Variants in HS6ST3 observed in about 807,000 individuals in gnomAD.
The protein encoded by HS6ST3 is heparan-sulfate 6-O-sulfotransferase 3.
HS6ST3 carries 12 observed loss-of-function variants against 36.7 expected under a neutral mutation model. That is an observed-to-expected ratio of 0.33 (90% CI 0.21 to 0.53). The LOEUF (loss-of-function observed/expected upper bound fraction) is 0.53. Among genes scored for constraint, HS6ST3 ranks in the 20% least tolerant of loss-of-function variants. The pLI is 0.95. For missense variants in HS6ST3, 584 were observed against 640.9 expected (o/e 0.91, Z 0.96); for synonymous variants, 240 against 257.5 (o/e 0.93, Z 0.65).
intron 1 of HS6ST3, chr13:96,427,100 A>T (rs2055590992): frequency 6.5e-6 from 1 of 154,350 alleles, no homozygotes; most frequent in African/African-American, 2.4e-5. Flanking sequence ...TGAAATCCAT[A>T]GTTAGAACGG....
At chr13:96,660,051 G>GT (rs1285919468) in intron 1 of HS6ST3, among the ~76,000 whole-genome samples, 15 of 152,022 alleles carry the variant, frequency 9.9e-5, no homozygotes, top group Admixed American at 2.6e-4. Flanking sequence ...GATTAAATTT[G>GT]TTTTTTTATT....
At chr13:96,743,475 T>G (rs1025839399) in intron 1 of HS6ST3, among the ~76,000 whole-genome samples, 1 of 152,080 alleles carries the variant, frequency 6.6e-6, no homozygotes, top group African/African-American at 2.4e-5. Flanking sequence ...AACATGGTCA[T>G]TAAGCTTCCT....
chr13:96,237,334 A>G (rs541850878), intron 1 of HS6ST3, among the ~76,000 whole-genome samples: 1 of 152,256 alleles, frequency 6.6e-6, no homozygotes, highest in African/African-American at 2.4e-5. Context: ...TTTTATTACA[A>G]TAGGGAAAAT....
chr13:96,332,901 A>G (rs956643854), intron 1 of HS6ST3, among the ~76,000 whole-genome samples: 1 of 152,196 alleles, frequency 6.6e-6, no homozygotes, highest in Admixed American at 6.5e-5. Flanking sequence ...GGAGGTGATT[A>G]AGTCATTAGG....
chr13:96,568,322 A>C (rs2056289045), intron 1 of HS6ST3, among the ~76,000 whole-genome samples: 1 of 152,188 alleles, frequency 6.6e-6, no homozygotes, highest in African/African-American at 2.4e-5. Context: ...GCTGGAGTTC[A>C]ATGGCACGAT....
chr13:96,389,679 A>T (rs2055386285), intron 1 of HS6ST3, among the ~76,000 whole-genome samples: 1 of 152,188 alleles, frequency 6.6e-6, no homozygotes, highest in Non-Finnish European at 1.5e-5. Context: ...AGCTCTTAGA[A>T]CATGAACACA....
At chr13:96,375,232 A>T (rs1344696326) in intron 1 of HS6ST3, among the ~76,000 whole-genome samples, 1 of 152,156 alleles carries the variant, frequency 6.6e-6, no homozygotes, top group African/African-American at 2.4e-5. Context: ...TACTTCGTAA[A>T]GACCTGTCCC....
chr13:96,647,671 A>C (rs1314627937), intron 1 of HS6ST3, among the ~76,000 whole-genome samples: 1 of 152,098 alleles, frequency 6.6e-6, no homozygotes, highest in Non-Finnish European at 1.5e-5. Context: ...GTTTGTAAAA[A>C]TTATTCTTAC....
intron 1 of HS6ST3, among the ~76,000 whole-genome samples, chr13:96,486,201 T>A (rs942487041): frequency 2.0e-5 from 3 of 152,186 alleles, no homozygotes; most frequent in Admixed American, 6.5e-5. Context: ...AACTCATCAT[T>A]TTTTATGGCT....
intron 1 of HS6ST3, among the ~76,000 whole-genome samples, chr13:96,656,955 TTGTGTGTGTGTGTGTGTG>T (rs754838881): frequency 6.5e-5 from 8 of 122,246 alleles, no homozygotes; most frequent in Non-Finnish European, 9.9e-5. Context: ...GGCTTTTCTT[TTGTGTGTGTGTGTGTGTG>T]TGTGTGTGTG....
intron 1 of HS6ST3, among the ~76,000 whole-genome samples, chr13:96,197,304 A>T (rs1168598402): frequency 6.6e-6 from 1 of 152,184 alleles, no homozygotes; most frequent in Non-Finnish European, 1.5e-5. Context: ...AACCCATCAG[A>T]TCTTGTGGGA....
intron 1 of HS6ST3, among the ~76,000 whole-genome samples, chr13:96,406,070 C>G (rs978504550): frequency 6.6e-6 from 1 of 152,088 alleles, no homozygotes; most frequent in Non-Finnish European, 1.5e-5. Flanking sequence ...TCTTTTTATG[C>G]TAGGTACCAC....
At chr13:96,627,105 T>C (rs1040227790) in intron 1 of HS6ST3, among the ~76,000 whole-genome samples, 4 of 152,106 alleles carry the variant, frequency 2.6e-5, no homozygotes, top group Non-Finnish European at 5.9e-5. Context: ...GTCATCCTTG[T>C]TCTGTTCTGA....
intron 1 of HS6ST3, among the ~76,000 whole-genome samples, chr13:96,212,055 C>G (rs2139357861): frequency 6.6e-6 from 1 of 152,294 alleles, no homozygotes; most frequent in Admixed American, 6.5e-5. Flanking sequence ...ACACTTACAT[C>G]AAAAGGAGCT....
chr13:96,372,235 C>A (rs79044755), intron 1 of HS6ST3, among the ~76,000 whole-genome samples: 1 of 152,132 alleles, frequency 6.6e-6, no homozygotes, highest in Non-Finnish European at 1.5e-5. Flanking sequence ...CTGATGACTA[C>A]TGATGTTGAC....
At chr13:96,210,971 G>A (rs902952486) in intron 1 of HS6ST3, among the ~76,000 whole-genome samples, 1 of 150,540 alleles carries the variant, frequency 6.6e-6, no homozygotes, top group Non-Finnish European at 1.5e-5. Flanking sequence ...TCACTCTGTT[G>A]CCCAGGCTGG....
chr13:96,681,608 A>G (rs1342098479), intron 1 of HS6ST3, among the ~76,000 whole-genome samples: 1 of 152,148 alleles, frequency 6.6e-6, no homozygotes, highest in Non-Finnish European at 1.5e-5. Flanking sequence ...TTTCTTAGCA[A>G]CAGATTATTT....
At chr13:96,778,515 T>C (rs1285171406) in intron 1 of HS6ST3, among the ~76,000 whole-genome samples, 1 of 152,088 alleles carries the variant, frequency 6.6e-6, no homozygotes, top group Non-Finnish European at 1.5e-5. Flanking sequence ...ATGAAGGATA[T>C]GAATAGACAC....
intron 1 of HS6ST3, among the ~76,000 whole-genome samples, chr13:96,431,251 AC>A (rs2055614226): frequency 6.6e-6 from 1 of 151,552 alleles, no homozygotes; most frequent in African/African-American, 2.4e-5. Flanking sequence ...AACAACAACA[AC>A]AACAAATAAA....
Sources: gnomAD v4.1 joint callset for allele counts (sites outside exome capture counted in the v4.1 genomes callset) on GRCh38, gnomAD v4.1.1 for gene constraint, MANE v1.5 for transcripts, NCBI Gene and HGNC (gene_info 2026-07-23, HGNC 2026-07-21) for gene names.